Variants in PCDH15 observed in about 807,000 individuals in gnomAD.
PCDH15 encodes the protein protocadherin related 15, also known as protocadherin-15.
In PCDH15, 129 loss-of-function variants were observed where a neutral mutation model predicts 178.5. The observed-to-expected ratio is 0.72, with a 90% CI of 0.63 to 0.84. PCDH15 has a LOEUF of 0.84. Ranked by LOEUF, PCDH15 falls within the 40% of genes least tolerant of loss-of-function variation. The probability of loss-of-function intolerance (pLI) is 0.00; values close to 1 mark genes in which losing one functional copy is unlikely to be tolerated. For synonymous variants in PCDH15, 800 were observed against 732.0 expected, an observed-to-expected ratio of 1.09 and a Z score of -1.50; for missense variants, 2,230 against 2,099.9, an observed-to-expected ratio of 1.06 and a Z score of -1.21.
intron 2 of PCDH15, among the ~76,000 whole-genome samples, chr10:55,056,984 A>C (rs1841323311): frequency 6.6e-6 from 1 of 152,108 alleles, no homozygotes; most frequent in Non-Finnish European, 1.5e-5. Context: ...GTTTATCATT[A>C]TTGTTCAGCA....
intron 11 of PCDH15, among the ~76,000 whole-genome samples, chr10:54,192,107 GAAAA>G (rs35501378): frequency 5.5e-5 from 5 of 90,464 alleles, no homozygotes; most frequent in South Asian, 6.1e-4. Flanking sequence ...AAGGAAGAAA[GAAAA>G]AAAAAAAAGA....
Position 53,807,075 on chromosome 10 carries a change from G to C in PCDH15, c.4727C>G (p.Ser1576Ter), listed in dbSNP as rs2132353990. The stretch of plus-strand genomic sequence containing the variant: ...TTCAGGAGCACTGTCTTCTCCAGTT[G>C]AGCTGGTTTCATACTCTCGATCAAC... ...LVVDREYETS[S>*]TGEDSAPECQ... The change falls in exon 38 of 38, where the codon TCA becomes TGA. Residue 1576 changes from serine to a stop codon, truncating the protein, a stop_gained. Coordinates refer to ENST00000644397, the MANE Select transcript of PCDH15 (RefSeq NM_001384140.1). LOFTEE classifies it high-confidence loss of function. 1.2e-6 allele frequency: 2 copies of C among 1,613,396 alleles called. No homozygotes were observed. The highest frequency in any genetic ancestry group is 2.2e-5 in the East Asian group (1 of 44,864).
chr10:54,824,721 CTTTA>C (rs1327829992), intron 3 of PCDH15, among the ~76,000 whole-genome samples: 1 of 151,992 alleles, frequency 6.6e-6, no homozygotes, highest in Non-Finnish European at 1.5e-5. Flanking sequence ...AATGATAGAA[CTTTA>C]TTTAACCCCA....
intron 3 of PCDH15, among the ~76,000 whole-genome samples, chr10:54,526,756 T>C (rs1452307683): frequency 6.6e-6 from 1 of 152,194 alleles, no homozygotes; most frequent in Non-Finnish European, 1.5e-5. Context: ...CTGTAGATAT[T>C]TCTGAGTGAT....
intron 2 of PCDH15, among the ~76,000 whole-genome samples, chr10:55,041,850 A>T (rs1004360843): frequency 6.6e-6 from 1 of 152,144 alleles, no homozygotes; most frequent in Admixed American, 6.6e-5. Flanking sequence ...CAAGTTCTGC[A>T]TAGAAACTGA....
chr10:53,823,817 G>GTAATCTCCTCTC, intron 32 of PCDH15: 1 of 456,164 alleles, frequency 2.2e-6, no homozygotes. Flanking sequence ...AGAGCCAAAA[G>GTAATCTCCTCTC]TAATCTCCTC....
intron 2 of PCDH15, among the ~76,000 whole-genome samples, chr10:54,549,171 T>C (rs1412712790): frequency 2.0e-5 from 3 of 151,722 alleles, no homozygotes; most frequent in Non-Finnish European, 4.4e-5. Context: ...TGATACTTTA[T>C]GTTTTTTATT....
At chr10:54,874,561 G>A (rs1261085168) in intron 3 of PCDH15, among the ~76,000 whole-genome samples, 2 of 152,042 alleles carry the variant, frequency 1.3e-5, no homozygotes, top group African/African-American at 2.4e-5. Flanking sequence ...ATTGACAAAT[G>A]GGGTCTAATT....
intron 2 of PCDH15, among the ~76,000 whole-genome samples, chr10:55,623,640 T>C (rs998823451): frequency 1.3e-5 from 2 of 151,660 alleles, no homozygotes; most frequent in African/African-American, 4.8e-5. Context: ...AGATTATATA[T>C]ACATATTCTA....
At chr10:55,346,011 CA>C (rs1174034866) in intron 2 of PCDH15, among the ~76,000 whole-genome samples, 5 of 151,558 alleles carry the variant, frequency 3.3e-5, no homozygotes, top group African/African-American at 7.3e-5. Context: ...AAGACTATTT[CA>C]AAAAAAACTC....
At chr10:55,275,343 T>C (rs2132251545) in intron 1 of PCDH15, among the ~76,000 whole-genome samples, 1 of 152,162 alleles carries the variant, frequency 6.6e-6, no homozygotes, top group African/African-American at 2.4e-5. Flanking sequence ...TGCTGTTGAA[T>C]TTATCAATTG....
At chr10:54,434,651 T>C (rs1010429898) in intron 3 of PCDH15, among the ~76,000 whole-genome samples, 4 of 152,164 alleles carry the variant, frequency 2.6e-5, no homozygotes, top group African/African-American at 9.7e-5. Flanking sequence ...CAAAATCACC[T>C]AATGCATTTC....
At chr10:54,243,454 C>G (rs1351172810) in intron 8 of PCDH15, among the ~76,000 whole-genome samples, 1 of 152,074 alleles carries the variant, frequency 6.6e-6, no homozygotes, top group Non-Finnish European at 1.5e-5. Context: ...TTGCAGTGAG[C>G]AGAGTTTGTG....
At chr10:54,828,996 C>A (rs1953179119) in intron 3 of PCDH15, among the ~76,000 whole-genome samples, 1 of 151,928 alleles carries the variant, frequency 6.6e-6, no homozygotes. Flanking sequence ...GACGTGAGAA[C>A]ATAGCATATT....
At chr10:53,878,466 C>A in intron 26 of PCDH15, among the ~76,000 whole-genome samples, 1 of 125,210 alleles carries the variant, frequency 8.0e-6, no homozygotes, top group East Asian at 2.3e-4. Flanking sequence ...TGTGTGTATG[C>A]CATAGTATAG....
intron 1 of PCDH15, among the ~76,000 whole-genome samples, chr10:54,796,612 T>C (rs772478304): frequency 7.9e-4 from 120 of 151,858 alleles, no homozygotes; most frequent in Non-Finnish European, 1.5e-3. Context: ...TCTAAGTGTA[T>C]ATCTCAGTTT....
intron 18 of PCDH15, among the ~76,000 whole-genome samples, chr10:54,034,989 AGT>A (rs2093382954): frequency 1.3e-5 from 2 of 151,906 alleles, no homozygotes; most frequent in South Asian, 4.1e-4. Flanking sequence ...GAGATTAAAA[AGT>A]GTAGGAAACT....
intron 3 of PCDH15, among the ~76,000 whole-genome samples, chr10:54,855,645 C>G (rs1953727917): frequency 6.6e-6 from 1 of 152,006 alleles, no homozygotes; most frequent in Non-Finnish European, 1.5e-5. Flanking sequence ...AATCATTAGT[C>G]CTGAATTGTG....
intron 3 of PCDH15, among the ~76,000 whole-genome samples, chr10:54,428,062 C>T (rs1255852331): frequency 1.3e-5 from 2 of 152,176 alleles, no homozygotes; most frequent in Non-Finnish European, 2.9e-5. Flanking sequence ...AATTATTGTA[C>T]TAGACACTGT....
Sources: gnomAD v4.1 joint callset for allele counts (sites outside exome capture counted in the v4.1 genomes callset) on GRCh38, gnomAD v4.1.1 for gene constraint, MANE v1.5 for transcripts, NCBI Gene and HGNC (gene_info 2026-07-23, HGNC 2026-07-21) for gene names.